The following NUDT5 variants were observed in gnomAD, a reference collection of about 807,000 sequenced individuals.
The protein encoded by NUDT5 is ADP-sugar pyrophosphatase.
Under a neutral mutation model 34.1 loss-of-function variants are expected in NUDT5, and 21 were observed. The ratio of observed to expected loss-of-function variants is 0.62; its 90% CI spans 0.44 to 0.89. The LOEUF is 0.89. Ranked by LOEUF, NUDT5 falls within the 40% of genes least tolerant of loss-of-function variation. The pLI, the probability that NUDT5 is intolerant of heterozygous loss-of-function variation, is 0.00. For synonymous variants in NUDT5, 85 were observed against 97.6 expected, an observed-to-expected ratio of 0.87 and a Z score of 0.76; for missense variants, 249 against 274.8, an observed-to-expected ratio of 0.91 and a Z score of 0.66.
intron 3 of NUDT5, among the ~76,000 whole-genome samples, chr10:12,183,019 G>A (rs1483861459): frequency 6.6e-6 from 1 of 152,356 alleles, no homozygotes; most frequent in East Asian, 1.9e-4. Flanking sequence ...TTACAGGCGT[G>A]AGCCACTGCG....
At position 12,167,791 on chromosome 10, in the gene NUDT5, G is replaced by A; in HGVS notation, c.571C>T (p.Leu191Phe). The A allele has an allele frequency of 6.2e-7, 1 of 1,614,156 alleles. No homozygotes were observed. Among genetic ancestry groups the A allele is most frequent in the Non-Finnish European group, 8.5e-7 (1 of 1,180,016 alleles). The change falls in exon 10 of 10, where the codon CTC becomes TTC. Residue 191 changes from leucine (L) to phenylalanine (F), a missense_variant. Leu to Phe is a conservative substitution (Grantham distance 22). Transcript: ENST00000491614. ...GAATAGACCCTGGCGTCCACTGTGA[G>A]ATGTTCTTCAGCTACCAGAGCTGTG... ...RLDALVAEEHLTVDARVYSYA... is the reference protein window; with the variant it reads ...RLDALVAEEHFTVDARVYSYA...
intron 1 of NUDT5, among the ~76,000 whole-genome samples, chr10:12,188,868 GAAGA>G (rs964983781): frequency 6.6e-6 from 1 of 152,094 alleles, no homozygotes; most frequent in African/African-American, 2.4e-5. Context: ...AGCGTTTCAT[GAAGA>G]AAGATTAAAA....
chr10:12,190,770 G>A (rs988370380), intron 1 of NUDT5, among the ~76,000 whole-genome samples: 3 of 151,666 alleles, frequency 2.0e-5, no homozygotes, highest in East Asian at 2.0e-4. Context: ...CACCACACCC[G>A]GCTGATTTTT....
intron 1 of NUDT5, among the ~76,000 whole-genome samples, chr10:12,188,123 C>T (rs2131716256): frequency 6.6e-6 from 1 of 152,142 alleles, no homozygotes; most frequent in African/African-American, 2.4e-5. Context: ...TTCCACGGTT[C>T]TCTAACCTAC....
rs752690611 is a variant in NUDT5 at position 12,172,805 on chromosome 10, G to A, written c.447C>T (p.Asn149=). The change falls in exon 7 of 10, where the codon AAC becomes AAT. Residue 149 remains asparagine, a synonymous_variant. Coordinates refer to ENST00000491614, the MANE Select transcript of NUDT5 (RefSeq NM_014142.4). ...CTIHIVTVTI[N]GDDAENARPK... is the part of the protein sequence containing the mutation. Reference sequence around the variant, plus strand: ...GCCTTGCGTTTTCGGCATCATCTCCGTTAATGGTGACTGTCACGATGTGTA... The same window carrying A: ...GCCTTGCGTTTTCGGCATCATCTCCATTAATGGTGACTGTCACGATGTGTA... 1.3e-5 allele frequency: 21 copies of A among 1,614,042 alleles called. No individual in the cohort carries two copies. The highest frequency in any genetic ancestry group is 1.6e-4 in the Middle Eastern group (1 of 6,084).
intron 1 of NUDT5, among the ~76,000 whole-genome samples, chr10:12,190,094 C>T (rs1835197166): frequency 6.6e-6 from 1 of 152,068 alleles, no homozygotes; most frequent in Admixed American, 6.6e-5. Flanking sequence ...GGGGTTTCAC[C>T]GTGTTAGGAT....
At chr10:12,176,879 T>C (rs1356115143) in intron 5 of NUDT5, among the ~76,000 whole-genome samples, 4 of 151,818 alleles carry the variant, frequency 2.6e-5, no homozygotes, top group African/African-American at 7.3e-5. Context: ...TCCAACACTT[T>C]GGGGGGCCAA....
intron 5 of NUDT5, among the ~76,000 whole-genome samples, chr10:12,176,119 C>G (rs1302065994): frequency 6.6e-6 from 1 of 150,834 alleles, no homozygotes; most frequent in Non-Finnish European, 1.5e-5. Context: ...ATCACTTGAA[C>G]CCGGGAGGCG....
In NUDT5 at chr10:12,177,775, C is replaced by G. The variant is rs375202726; in HGVS notation, c.289+18G>C. ...AGGCCAACATCCCTAAGAAGCAATT[C>G]GATGTTGAGTGACTCACCTGCAGGG... is the stretch of plus-strand genomic sequence containing the variant. On this transcript the variant is annotated intron_variant, in intron 5 of 9. Coordinates refer to ENST00000491614, the MANE Select transcript of NUDT5 (RefSeq NM_014142.4). 6.4e-7 allele frequency: 1 copy of G among 1,563,854 alleles called. No individual in the cohort carries two copies. Among genetic ancestry groups the G allele is most frequent in the Non-Finnish European group, 8.8e-7 (1 of 1,134,118 alleles).
chr10:12,179,109 G>T lies in NUDT5; in HGVS notation c.155C>A (p.Thr52Lys). 1 of 1,613,980 alleles carries T rather than the reference G, an allele frequency of 6.2e-7. No individual in the cohort carries two copies. Among genetic ancestry groups the T allele is most frequent in the Non-Finnish European group, 8.5e-7 (1 of 1,179,936 alleles). ...ATCCGCAGTCTGCTCTTTCCTGGTT[G>T]TACGTTTCACTGATTCCCAAGTTCT... ...KTRTWESVKR[T>K]TRKEQTADGV... is the part of the protein sequence containing the mutation. The change falls in exon 4 of 10, where the codon ACA (threonine) becomes AAA (lysine). Residue 52 changes from threonine (T) to lysine (K), a missense_variant. Coordinates refer to ENST00000491614, the MANE Select transcript of NUDT5 (RefSeq NM_014142.4).
Position 12,195,158 on chromosome 10 carries a change from CAAAT to C in NUDT5, c.-42+608_-42+611del, listed in dbSNP as rs1401827215. Among the ~76,000 whole-genome samples, 7 of 152,218 alleles carry C rather than the reference CAAAT, an allele frequency of 4.6e-5. No homozygotes were observed. In the East Asian group the frequency reaches 5.8e-4, roughly 13 times the overall value. On this transcript the variant is annotated intron_variant, in intron 1 of 9. Coordinates refer to ENST00000491614, the MANE Select transcript of NUDT5 (RefSeq NM_014142.4). ...CTGGGCACAGAGTGAGACTCCGTCTCAAATAAATAAATAAAAGCAGCTAGTTACT... is the reference window on the plus strand; with the variant it reads ...CTGGGCACAGAGTGAGACTCCGTCTCAAATAAATAAAAGCAGCTAGTTACT...
At chr10:12,174,753 G>T (rs1445937940) in intron 5 of NUDT5, among the ~76,000 whole-genome samples, 1 of 152,240 alleles carries the variant, frequency 6.6e-6, no homozygotes, top group Non-Finnish European at 1.5e-5. Flanking sequence ...TGACTTGGTG[G>T]TGACCAACTG....
In NUDT5 at chr10:12,167,370, A is replaced by T. The variant is rs770063108; in HGVS notation, c.*332T>A. ...GTGGAAATGACCTAATTGAGAACTC[A>T]GGTCTATTTCTCTATACAAATACCC... On this transcript the variant is annotated 3_prime_UTR_variant, in exon 10 of 10. Transcript: ENST00000491614. 1 of 205,266 alleles carries T rather than the reference A, an allele frequency of 4.9e-6. No individual in the cohort carries two copies. Among genetic ancestry groups the T allele is most frequent in the African/African-American group, 2.4e-5 (1 of 42,282 alleles). 12.7% of individuals were successfully genotyped at this position (205,266 alleles called of 1,614,324 possible).
Position 12,181,560 on chromosome 10 carries a change from G to A in NUDT5, c.132-2428C>T, listed in dbSNP as rs1835040883. On this transcript the variant is annotated intron_variant, in intron 3 of 9. Coordinates refer to ENST00000491614, the MANE Select transcript of NUDT5 (RefSeq NM_014142.4). The surrounding 1 kb of genome is among the most constrained non-coding windows in gnomAD (Gnocchi z 5.0). ...GCCAAAGAACCCCACAATGAGTCAT[G>A]CACATAGGTCTCAGCCCTGTGTAGG... is the stretch of plus-strand genomic sequence containing the variant. Among the ~76,000 whole-genome samples, 1 of 152,186 alleles carries A rather than the reference G, an allele frequency of 6.6e-6. No individual in the cohort carries two copies.
chr10:12,194,747 T>C (rs17151385), intron 1 of NUDT5, among the ~76,000 whole-genome samples: 5,609 of 152,306 alleles, frequency 0.037, 367 homozygotes, highest in African/African-American at 0.13. Context: ...GGGCTGTTTC[T>C]AATTTAAAAC....
At chr10:12,177,274 C>G (rs2131705615) in intron 5 of NUDT5, among the ~76,000 whole-genome samples, 1 of 152,304 alleles carries the variant, frequency 6.6e-6, no homozygotes, top group Admixed American at 6.5e-5. Flanking sequence ...AATCCCAGCA[C>G]TTTGCGAGGC....
intron 1 of NUDT5, among the ~76,000 whole-genome samples, chr10:12,193,151 A>G (rs1835264898): frequency 6.6e-6 from 1 of 152,190 alleles, no homozygotes; most frequent in African/African-American, 2.4e-5. Flanking sequence ...ACGACACTGT[A>G]AAGATAGTCC....
Position 12,179,123 on chromosome 10 carries a change from T to C in NUDT5, c.141A>G (p.Glu47=). The change falls in exon 4 of 10, where the codon GAA becomes GAG. Residue 47 remains glutamate, a synonymous_variant. Transcript: ENST00000491614. ...MDPTGKTRTW[E]SVKRTTRKEQ... is the part of the protein sequence containing the mutation. ...CTTTCCTGGTTGTACGTTTCACTGA[T>C]TCCCAAGTTCTGTTCAGGCAGAGAA... is the stretch of plus-strand genomic sequence containing the variant. The C allele has an allele frequency of 1.2e-6, 2 of 1,614,074 alleles. No individual in the cohort carries two copies. The highest frequency in any genetic ancestry group is 1.7e-6 in the Non-Finnish European group (2 of 1,179,968).
chr10:12,193,808 C>T (rs1835278522), intron 1 of NUDT5, among the ~76,000 whole-genome samples: 1 of 151,782 alleles, frequency 6.6e-6, no homozygotes, highest in South Asian at 2.1e-4. Flanking sequence ...AACTTAGCTG[C>T]TTTTCTACAC....
Sources: allele counts gnomAD v4.1 joint callset (sites outside exome capture counted in the v4.1 genomes callset), GRCh38; gene constraint gnomAD v4.1.1; non-coding constraint Gnocchi (gnomAD v3.1); transcripts MANE v1.5; gene names NCBI Gene and HGNC (gene_info 2026-07-23, HGNC 2026-07-21).